Variants in VAV2 observed in about 807,000 individuals in gnomAD.
The protein encoded by VAV2 is guanine nucleotide exchange factor VAV2.
In VAV2, 67 loss-of-function variants were observed where a neutral mutation model predicts 132.5. The observed-to-expected ratio is 0.51, with a 90% CI of 0.42 to 0.62. VAV2 has a LOEUF of 0.62. Among genes scored for constraint, VAV2 ranks in the 20% least tolerant of loss-of-function variants. The pLI, the probability that VAV2 is intolerant of heterozygous loss-of-function variation, is 0.00. For synonymous variants in VAV2, 492 were observed against 443.5 expected (o/e 1.11, Z -1.37); for missense variants, 938 against 1,153.6 (o/e 0.81, Z 2.71).
chr9:133,878,640 TGA>T (rs1457975843), intron 2 of VAV2, among the ~76,000 whole-genome samples: 1 of 152,162 alleles, frequency 6.6e-6, no homozygotes, highest in African/African-American at 2.4e-5. Context: ...GCTTAACCTT[TGA>T]GAGGCCATCC....
intron 2 of VAV2, among the ~76,000 whole-genome samples, chr9:133,898,310 C>T (rs964450255): frequency 6.6e-6 from 1 of 152,164 alleles, no homozygotes; most frequent in African/African-American, 2.4e-5. Context: ...CTTTTTAGGG[C>T]GGATGTGGTG....
rs1388791882 is a variant in VAV2, at chr9:133,783,450, A to C, written c.1723+53T>G. The C allele has an allele frequency of 1.6e-5, 25 of 1,556,000 alleles. No individual in the cohort carries two copies. The Admixed American group carries it at 4.2e-4, about 26-fold the overall frequency. On this transcript the variant is annotated intron_variant, in intron 19 of 29. Transcript: ENST00000371850. ...CCCGTACCCAGGTGGTAGGGGGCAG[A>C]AGTGAGCAGGCGTGGCCAGGGACTG...
Position 133,935,016 on chromosome 9 carries a change from G to T in VAV2, c.321+4087C>A, listed in dbSNP as rs1840853976. Among the ~76,000 whole-genome samples, 1 of 135,816 alleles carries T rather than the reference G, an allele frequency of 7.4e-6. No individual in the cohort carries two copies. The highest frequency in any genetic ancestry group is 2.7e-5 in the African/African-American group (1 of 36,410). The allele number at this position is 135,816 out of a possible 152,430, so 89.1% of individuals were successfully genotyped here. On this transcript the variant is annotated intron_variant, in intron 2 of 29. Coordinates refer to ENST00000371850, the MANE Select transcript of VAV2 (RefSeq NM_001134398.2). This position sits in a 1 kb window ranked among gnomAD's most constrained non-coding sequence, Gnocchi z 5.2. ...GGAGTCCCCAGCCCCACACCCCCTC[G>T]GTTACCCCTGACCAGCCCCACCCAC...
rs539291161 is a variant in VAV2 at position 133,874,492 on chromosome 9, G to T, written c.322-13060C>A. On this transcript the variant is annotated intron_variant, in intron 2 of 29. Transcript: ENST00000371850. ...TCCCTCTTTAATCAGAGGCAAGGCC[G>T]GAGACCATGACACAGATCTGCTGCC... Among the ~76,000 whole-genome samples, 6 of 152,306 alleles carry T rather than the reference G, an allele frequency of 3.9e-5. No individual in the cohort carries two copies. The South Asian group carries it at 1.2e-3, about 32-fold the overall frequency.
chr9:133,833,998 C>T lies in VAV2; in HGVS notation c.449+274G>A, dbSNP rs1836363617. Among the ~76,000 whole-genome samples, 1 of 152,198 alleles carries T rather than the reference C, an allele frequency of 6.6e-6. No individual in the cohort carries two copies. Among genetic ancestry groups the T allele is most frequent in the Non-Finnish European group, 1.5e-5 (1 of 68,028 alleles). On this transcript the variant is annotated intron_variant, in intron 4 of 29. Transcript: ENST00000371850. This position sits in a 1 kb window ranked among gnomAD's most constrained non-coding sequence, Gnocchi z 5.6. ...ACCCTGCTAGGGCAATGGGCCAACA[C>T]CCGGGCCAGCCATTAGACTGGCTGG...
intron 2 of VAV2, among the ~76,000 whole-genome samples, chr9:133,938,581 A>T (rs760069091): frequency 6.6e-5 from 10 of 152,048 alleles, no homozygotes; most frequent in Non-Finnish European, 1.5e-4. Flanking sequence ...CCACTGGAGA[A>T]TACCCCCTCT....
chr9:133,854,264 C>T (rs1004099193), intron 3 of VAV2, among the ~76,000 whole-genome samples: 5 of 145,840 alleles, frequency 3.4e-5, no homozygotes, highest in Admixed American at 2.7e-4. Context: ...TGCACACACA[C>T]ACGCACATAC....
chr9:133,970,786 G>T (rs1842305856), intron 1 of VAV2, among the ~76,000 whole-genome samples: 1 of 152,192 alleles, frequency 6.6e-6, no homozygotes, highest in Middle Eastern at 3.2e-3. Flanking sequence ...CATCTGCAGG[G>T]CAGCCCTGAA....
At chr9:133,880,235 T>G (rs546132511) in intron 2 of VAV2, among the ~76,000 whole-genome samples, 2 of 152,190 alleles carry the variant, frequency 1.3e-5, no homozygotes, top group Admixed American at 6.5e-5. Flanking sequence ...CAAGAAGCTC[T>G]GTGTGCCCCA....
At chr9:133,779,867 G>A (rs763418223) in intron 21 of VAV2, 51 bp downstream of exon 21, 2 of 1,600,604 alleles carry the variant, frequency 1.2e-6, no homozygotes, top group African/African-American at 2.7e-5. Context: ...TCAGCTCCCA[G>A]GTGATGGCTG....
chr9:133,881,047 C>T (rs183132688), intron 2 of VAV2, among the ~76,000 whole-genome samples: 146 of 150,316 alleles, frequency 9.7e-4, no homozygotes, highest in Non-Finnish European at 1.8e-3. Flanking sequence ...CAGCAAGGGG[C>T]CAGCAGCCCA....
chr9:133,838,394 G>A (rs1030248541), intron 3 of VAV2, among the ~76,000 whole-genome samples: 3 of 147,900 alleles, frequency 2.0e-5, no homozygotes, highest in Non-Finnish European at 4.5e-5. Flanking sequence ...GGGGTGGATG[G>A]TTGGCTGGCT....
Position 133,992,224 on chromosome 9 carries a change from G to A in VAV2, c.55C>T (p.Pro19Ser), listed in dbSNP as rs375205296. 3 of 1,591,360 alleles carry A rather than the reference G, an allele frequency of 1.9e-6. No homozygotes were observed. Among genetic ancestry groups the A allele is most frequent in the Non-Finnish European group, 2.6e-6 (3 of 1,169,788 alleles). ...RWLIDCKVLP[P>S]NHRVVWPSAV... ...GAGGGCCACACCACCCGGTGGTTGG[G>A]CGGCAGGACCTTGCAATCGATGAGC... Residue 19 changes from proline (P) to serine (S), a missense_variant, in exon 1 of 30, where the codon CCC (proline) becomes TCC (serine). By Grantham distance (74) the Pro-to-Ser change is moderately conservative. Coordinates refer to ENST00000371850, the MANE Select transcript of VAV2 (RefSeq NM_001134398.2). The surrounding 1 kb of genome is among the most constrained non-coding windows in gnomAD (Gnocchi z 5.5).
At chr9:133,915,667 T>A (rs1183214188) in intron 2 of VAV2, among the ~76,000 whole-genome samples, 1 of 142,480 alleles carries the variant, frequency 7.0e-6, no homozygotes, top group Non-Finnish European at 1.5e-5. Context: ...GACGCACACA[T>A]GCACACACAC....
chr9:133,775,731 G>A (rs1211605487), intron 24 of VAV2, among the ~76,000 whole-genome samples: 2 of 152,192 alleles, frequency 1.3e-5, no homozygotes, highest in African/African-American at 2.4e-5. Flanking sequence ...TTTATATAGT[G>A]CAGATAAAAT....
intron 1 of VAV2, among the ~76,000 whole-genome samples, chr9:133,983,776 C>T (rs1197464424): frequency 6.6e-6 from 1 of 152,038 alleles, no homozygotes; most frequent in Non-Finnish European, 1.5e-5. Context: ...CTGTCACTAA[C>T]AGCCAGGGCT....
In VAV2 at chr9:133,792,359, ATG is replaced by A. The variant is rs141878473; in HGVS notation, c.1102-492_1102-491del. ...GAGTGAGCTGTGCTGGGTGGGGTGC[ATG>A]TGTGTGTGTGTGTGAGCGGGCTGTG... On this transcript the variant is annotated intron_variant, in intron 12 of 29. Coordinates refer to ENST00000371850, the MANE Select transcript of VAV2 (RefSeq NM_001134398.2). 2.3e-3 allele frequency among the ~76,000 whole-genome samples: 279 copies of A among 123,428 alleles called. 1 individual carries two copies. Among genetic ancestry groups the A allele is most frequent in the African/African-American group, 8.7e-3 (272 of 31,208 alleles). The allele number at this position is 123,428 out of a possible 152,430, so 81.0% of individuals were successfully genotyped here.
At chr9:133,904,570 A>G (rs913398215) in intron 2 of VAV2, among the ~76,000 whole-genome samples, 2 of 152,260 alleles carry the variant, frequency 1.3e-5, no homozygotes, top group African/African-American at 4.8e-5. Context: ...AAACGTGGGC[A>G]CCAGGCACGT....
chr9:133,831,430 C>A (rs1836259050), intron 4 of VAV2, among the ~76,000 whole-genome samples: 1 of 151,014 alleles, frequency 6.6e-6, no homozygotes, highest in African/African-American at 2.4e-5. Context: ...GAGCAAAACT[C>A]CATCTCAAAA....
Sources: gnomAD v4.1 joint callset for allele counts (sites outside exome capture counted in the v4.1 genomes callset) on GRCh38, gnomAD v4.1.1 for gene constraint, Gnocchi (gnomAD v3.1) non-coding constraint, MANE v1.5 for transcripts, NCBI Gene and HGNC (gene_info 2026-07-23, HGNC 2026-07-21) for gene names.